Variants in LINGO2 observed in about 807,000 individuals in gnomAD.
LINGO2 encodes the protein leucine-rich repeat and immunoglobulin-like domain-containing nogo receptor-interacting protein 2.
LINGO2 carries 14 observed loss-of-function variants against 30.6 expected under a neutral mutation model. That is an observed-to-expected ratio of 0.46 (90% CI 0.30 to 0.72). The LOEUF is 0.72. Ranked by LOEUF, LINGO2 falls within the 30% of genes least tolerant of loss-of-function variation. The pLI is 0.07. For synonymous variants in LINGO2, 317 were observed against 288.5 expected (o/e 1.10, Z -1.00); for missense variants, 729 against 751.7 (o/e 0.97, Z 0.35).
chr9:28,078,010 T>C lies in LINGO2; in HGVS notation c.-86-65605A>G, dbSNP rs1443841799. Among the ~76,000 whole-genome samples the C allele has an allele frequency of 8.0e-5, 12 of 149,426 alleles. No individual in the cohort carries two copies. In the East Asian group the frequency reaches 2.3e-3, roughly 29 times the overall value. On this transcript the variant is annotated intron_variant, in intron 4 of 5. Transcript: ENST00000379992. ...TGCCATATGTGTTATGGTTAAGTGG[T>C]GGTTTAACATATCTTTTTTTGTAAA...
At chr9:28,127,818 T>A (rs1010311122) in intron 4 of LINGO2, among the ~76,000 whole-genome samples, 21 of 152,356 alleles carry the variant, frequency 1.4e-4, no homozygotes, top group Admixed American at 3.9e-4. Flanking sequence ...TTTTTCTGAT[T>A]CAGTGTAGAG....
chr9:28,781,605 G>A, the LINGO2 span, among the ~76,000 whole-genome samples: 1 of 152,188 alleles, frequency 6.6e-6, no homozygotes, highest in Admixed American at 6.5e-5. Flanking sequence ...GGTAATATAA[G>A]AGGCATGGAG....
chr9:29,030,388 CG>C, the LINGO2 span, among the ~76,000 whole-genome samples: 7 of 152,066 alleles, frequency 4.6e-5, no homozygotes, highest in Admixed American at 3.9e-4. Context: ...ACCCCTCATC[CG>C]GATTTCCCTA....
intron 1 of LINGO2, among the ~76,000 whole-genome samples, chr9:28,633,305 A>T (rs1368895314): frequency 6.6e-6 from 1 of 152,128 alleles, no homozygotes; most frequent in Admixed American, 6.6e-5. Context: ...TAACTATCAC[A>T]GAAGGGGAAA....
the LINGO2 span, among the ~76,000 whole-genome samples, chr9:28,781,287 A>C: frequency 2.0e-5 from 3 of 152,130 alleles, no homozygotes; most frequent in Admixed American, 6.5e-5. Flanking sequence ...GGGCTCTTAT[A>C]GGACTTTAGA....
chr9:28,754,319 G>C, the LINGO2 span, among the ~76,000 whole-genome samples: 9 of 152,168 alleles, frequency 5.9e-5, no homozygotes, highest in African/African-American at 2.4e-5. Context: ...TGGTGTTAGA[G>C]ATCAAGATTG....
chr9:28,911,088 G>A, the LINGO2 span, among the ~76,000 whole-genome samples: 1 of 151,972 alleles, frequency 6.6e-6, no homozygotes, highest in Non-Finnish European at 1.5e-5. Flanking sequence ...AAAAGAGATT[G>A]AACATAGGAA....
chr9:28,515,015 C>T (rs1473121150), intron 1 of LINGO2, among the ~76,000 whole-genome samples: 4 of 151,890 alleles, frequency 2.6e-5, no homozygotes, highest in Non-Finnish European at 5.9e-5. Flanking sequence ...TTGTTAAGAC[C>T]TACCACTCAG....
chr9:28,557,042 C>T (rs1822745812), intron 1 of LINGO2, among the ~76,000 whole-genome samples: 1 of 151,572 alleles, frequency 6.6e-6, no homozygotes, highest in South Asian at 2.1e-4. Flanking sequence ...ACCATAAAAA[C>T]CCTAGAAGAA....
At chr9:28,782,232 T>C in the LINGO2 span, among the ~76,000 whole-genome samples, 11 of 152,146 alleles carry the variant, frequency 7.2e-5, no homozygotes, top group Non-Finnish European at 1.5e-4. Flanking sequence ...CTTAGTTCAA[T>C]TGTAAAAATA....
chr9:29,212,858 TC>T, the LINGO2 span, among the ~76,000 whole-genome samples: 1 of 152,220 alleles, frequency 6.6e-6, no homozygotes, highest in African/African-American at 2.4e-5. Flanking sequence ...CCCCACCCCA[TC>T]CCCAACATCT....
chr9:28,033,477 A>T (rs1823781189), intron 4 of LINGO2, among the ~76,000 whole-genome samples: 1 of 152,144 alleles, frequency 6.6e-6, no homozygotes, highest in African/African-American at 2.4e-5. Flanking sequence ...CAACAGCTTT[A>T]GTTGGTGGGA....
chr9:28,835,766 C>A, the LINGO2 span, among the ~76,000 whole-genome samples: 1 of 152,094 alleles, frequency 6.6e-6, no homozygotes, highest in East Asian at 1.9e-4. Context: ...TGCTAAAATC[C>A]AGCTAATACC....
chr9:28,035,633 T>C (rs1823894538), intron 4 of LINGO2, among the ~76,000 whole-genome samples: 2 of 152,226 alleles, frequency 1.3e-5, no homozygotes, highest in African/African-American at 4.8e-5. Flanking sequence ...TTTAAGTATC[T>C]TGTTGACTTT....
At chr9:28,034,826 C>T (rs1823854104) in intron 4 of LINGO2, among the ~76,000 whole-genome samples, 1 of 152,182 alleles carries the variant, frequency 6.6e-6, no homozygotes, top group South Asian at 2.1e-4. Context: ...GACCTTTTGT[C>T]TCCTCTCACT....
chr9:29,121,863 G>A, the LINGO2 span, among the ~76,000 whole-genome samples: 742 of 152,142 alleles, frequency 4.9e-3, 10 homozygotes, highest in African/African-American at 0.017. Context: ...CTGCTAAGCA[G>A]AGATTAAGAG....
chr9:28,812,436 A>G, the LINGO2 span, among the ~76,000 whole-genome samples: 6 of 152,252 alleles, frequency 3.9e-5, no homozygotes, highest in African/African-American at 1.4e-4. Context: ...TGGGTAGATA[A>G]TGTTTAAGCT....
chr9:28,476,096 G>A (rs1024702535), intron 1 of LINGO2, 71 bp from the exon 4 acceptor site: 1 of 152,380 alleles, frequency 6.6e-6, no homozygotes, highest in African/African-American at 2.4e-5. Flanking sequence ...CTATATTAAT[G>A]GCCATAACGG....
At chr9:28,003,683 G>T (rs564255531) in intron 5 of LINGO2, among the ~76,000 whole-genome samples, 42 of 152,220 alleles carry the variant, frequency 2.8e-4, no homozygotes, top group Admixed American at 4.6e-4. Flanking sequence ...GGATGGTCTC[G>T]ATCTCCTGAC....
Sources: allele counts gnomAD v4.1 joint callset (sites outside exome capture counted in the v4.1 genomes callset), GRCh38; gene constraint gnomAD v4.1.1; transcripts MANE v1.5; gene names NCBI Gene and HGNC (gene_info 2026-07-23, HGNC 2026-07-21).